PTPRA: variants seen among roughly 807,000 people sequenced by gnomAD.
PTPRA encodes the protein protein tyrosine phosphatase receptor type A.
PTPRA carries 25 observed loss-of-function variants against 104.8 expected under a neutral mutation model. The observed-to-expected ratio is 0.24, with a 90% confidence interval of 0.17 to 0.33. The LOEUF (loss-of-function observed/expected upper bound fraction) is 0.33, where lower values mean the gene tolerates loss of function less well. Among genes scored for constraint, PTPRA ranks in the 10% least tolerant of loss-of-function variants. The probability of loss-of-function intolerance (pLI) is 1.00; values close to 1 mark genes in which losing one functional copy is unlikely to be tolerated. For synonymous variants in PTPRA, 323 were observed against 368.9 expected, an observed-to-expected ratio of 0.88 and a Z score of 1.43; for missense variants, 765 against 1,015.3, an observed-to-expected ratio of 0.75 and a Z score of 3.35.
chr20:2,892,824 G>A (rs766223314), intron 1 of PTPRA, among the ~76,000 whole-genome samples: 7 of 152,118 alleles, frequency 4.6e-5, no homozygotes, highest in African/African-American at 1.2e-4. Flanking sequence ...AACTAAGTTC[G>A]GTTTAGCTGT....
intron 3 of PTPRA, among the ~76,000 whole-genome samples, chr20:2,956,144 TG>T (rs1373300049): frequency 6.6e-6 from 1 of 152,232 alleles, no homozygotes; most frequent in East Asian, 1.9e-4. Flanking sequence ...TCTGGTTTAT[TG>T]GCTAGATTAC....
intron 1 of PTPRA, among the ~76,000 whole-genome samples, chr20:2,920,261 A>C (rs1414274526): frequency 1.3e-5 from 2 of 152,154 alleles, no homozygotes; most frequent in East Asian, 3.9e-4. Flanking sequence ...ATAGGTTTGG[A>C]GTTTGGAAAG....
At chr20:3,001,739 G>A (rs1051569634) in intron 9 of PTPRA, among the ~76,000 whole-genome samples, 6 of 152,118 alleles carry the variant, frequency 3.9e-5, no homozygotes. Context: ...AGGGTCAGGG[G>A]TAATTGCCTC....
chr20:2,910,641 C>G (rs1262870839), intron 1 of PTPRA, among the ~76,000 whole-genome samples: 7 of 121,676 alleles, frequency 5.8e-5, no homozygotes, highest in Admixed American at 2.2e-4. Context: ...CGGAGTCTCG[C>G]TGTCACCCAG....
intron 3 of PTPRA, among the ~76,000 whole-genome samples, chr20:2,955,132 T>G (rs762341288): frequency 6.6e-6 from 1 of 152,236 alleles, no homozygotes; most frequent in Non-Finnish European, 1.5e-5. Flanking sequence ...TTTGTTCTTT[T>G]TCAAAATTGT....
At chr20:2,906,775 C>A (rs959125853) in intron 1 of PTPRA, among the ~76,000 whole-genome samples, 1 of 152,074 alleles carries the variant, frequency 6.6e-6, no homozygotes, top group Non-Finnish European at 1.5e-5. Context: ...ATAATTGATA[C>A]CAGCCCATAA....
chr20:2,881,494 A>G (rs1307989808), intron 1 of PTPRA, among the ~76,000 whole-genome samples: 1 of 152,112 alleles, frequency 6.6e-6, no homozygotes, highest in Non-Finnish European at 1.5e-5. Context: ...TGCTAACTTC[A>G]ATTATTAAAA....
chr20:2,997,465 C>G (rs1309231544), intron 9 of PTPRA, among the ~76,000 whole-genome samples: 1 of 152,034 alleles, frequency 6.6e-6, no homozygotes, highest in Non-Finnish European at 1.5e-5. Context: ...TGTCAGGAGT[C>G]TTGTGGTCAG....
At chr20:2,949,720 G>T (rs908348363) in intron 3 of PTPRA, among the ~76,000 whole-genome samples, 107 of 145,618 alleles carry the variant, frequency 7.3e-4, no homozygotes, top group African/African-American at 2.5e-3. Context: ...ATTGCGTATT[G>T]TTTTTTTTTT....
At chr20:2,906,926 T>A (rs1042636230) in intron 1 of PTPRA, among the ~76,000 whole-genome samples, 2 of 152,226 alleles carry the variant, frequency 1.3e-5, no homozygotes, top group African/African-American at 4.8e-5. Context: ...GCTCCACAAT[T>A]GCACTGTTAA....
chr20:2,964,564 T>C lies in PTPRA; in HGVS notation c.73+214T>C, dbSNP rs116243817. On this transcript the variant is annotated intron_variant, in intron 4 of 23. Coordinates refer to ENST00000399903, the MANE Select transcript of PTPRA (RefSeq NM_001385305.1). ...ACTGCTTTAAATAAATCAAAGAGAT[T>C]ATGTGTTCTTTCCTGAAAAGTAAAA... Among the ~76,000 whole-genome samples the C allele has an allele frequency of 9.4e-3, 1,431 of 152,362 alleles. 22 individuals are homozygous for C. Among genetic ancestry groups the C allele is most frequent in the African/African-American group, 0.033 (1,355 of 41,578 alleles).
chr20:3,036,644 C>T (rs2065812996), intron 22 of PTPRA, among the ~76,000 whole-genome samples: 1 of 152,374 alleles, frequency 6.6e-6, no homozygotes, highest in Non-Finnish European at 1.5e-5. Context: ...GTCCCTGCCT[C>T]AGAGTAGGCA....
intron 2 of PTPRA, among the ~76,000 whole-genome samples, chr20:2,936,323 G>T (rs929426094): frequency 6.6e-6 from 1 of 151,938 alleles, no homozygotes; most frequent in African/African-American, 2.4e-5. Flanking sequence ...ATATAGTTGG[G>T]TCTTTTCTTT....
Position 2,910,164 on chromosome 20 carries a change from A to C in PTPRA, c.-128-13043A>C, listed in dbSNP as rs796101145. On this transcript the variant is annotated intron_variant, in intron 1 of 23. Coordinates refer to ENST00000399903, the MANE Select transcript of PTPRA (RefSeq NM_001385305.1). ...ACATCATATATACTATACGTCATAT[A>C]TAATATGACGTATAGTATATATGAT... Among the ~76,000 whole-genome samples the C allele has an allele frequency of 5.7e-5, 7 of 122,572 alleles. No individual in the cohort carries two copies. The East Asian group carries it at 1.6e-3, about 28-fold the overall frequency. 80.4% of individuals were successfully genotyped at this position (122,572 alleles called of 152,430 possible).
chr20:2,903,103 C>T (rs1357993809), intron 1 of PTPRA, among the ~76,000 whole-genome samples: 1 of 152,156 alleles, frequency 6.6e-6, no homozygotes, highest in Non-Finnish European at 1.5e-5. Flanking sequence ...TTTTGAATGC[C>T]TACATGACTG....
At chr20:2,937,591 C>T (rs900267331) in intron 2 of PTPRA, among the ~76,000 whole-genome samples, 3 of 152,060 alleles carry the variant, frequency 2.0e-5, no homozygotes, top group Non-Finnish European at 4.4e-5. Context: ...TATGAATAAA[C>T]ATATATATAT....
At chr20:2,923,419 A>G (rs1461046535) in intron 2 of PTPRA, 134 bp downstream of exon 2, 8 of 480,588 alleles carry the variant, frequency 1.7e-5, no homozygotes, top group African/African-American at 1.5e-4. Context: ...TTTTATTATT[A>G]TAAACATTGT....
intron 2 of PTPRA, among the ~76,000 whole-genome samples, chr20:2,942,046 C>T (rs955098604): frequency 6.6e-6 from 1 of 152,160 alleles, no homozygotes; most frequent in African/African-American, 2.4e-5. Flanking sequence ...TTCACTATTT[C>T]TAGTAGAAGG....
At chr20:2,932,307 G>A (rs2060535964) in intron 2 of PTPRA, among the ~76,000 whole-genome samples, 1 of 152,184 alleles carries the variant, frequency 6.6e-6, no homozygotes, top group East Asian at 1.9e-4. Flanking sequence ...AGATCATAAT[G>A]AGGTTGTTAA....
Sources: gnomAD v4.1 joint callset for allele counts (sites outside exome capture counted in the v4.1 genomes callset) on GRCh38, gnomAD v4.1.1 for gene constraint, MANE v1.5 for transcripts, NCBI Gene and HGNC (gene_info 2026-07-23, HGNC 2026-07-21) for gene names.